Variants in TNFRSF25 observed in about 807,000 individuals in gnomAD.
TNFRSF25 encodes the protein tumor necrosis factor receptor superfamily member 25.
TNFRSF25 carries 28 observed loss-of-function variants against 49.4 expected under a neutral mutation model. The ratio of observed to expected loss-of-function variants is 0.57; its 90% CI spans 0.42 to 0.78. TNFRSF25 has a LOEUF of 0.78. Ranked by LOEUF, TNFRSF25 falls within the 30% of genes least tolerant of loss-of-function variation. The pLI is 0.00. For missense variants in TNFRSF25, 531 were observed against 581.6 expected (o/e 0.91, Z 0.90); for synonymous variants, 240 against 234.2 (o/e 1.02, Z -0.23).
chr1:6,464,426 G>A lies in TNFRSF25; in HGVS notation c.491C>T (p.Thr164Ile). The A allele has an allele frequency of 6.2e-7, 1 of 1,611,954 alleles. No homozygotes were observed. The highest frequency in any genetic ancestry group is 8.5e-7 in the Non-Finnish European group (1 of 1,179,220). ...ATGTTCATAGAAGCCAGGCAGGCAG[G>A]TCCCACAGTCAGTATCTCTGCGGGA... is the stretch of plus-strand genomic sequence containing the variant. The part of the protein sequence containing the change: ...LCSRRDTDCG[T>I]CLPGFYEHGD... The change falls in exon 5 of 10, where the codon ACC (threonine) becomes ATC (isoleucine). Residue 164 changes from threonine to isoleucine, a missense_variant. By Grantham distance (89) the Thr-to-Ile change is moderately conservative (BLOSUM62 -1). Coordinates refer to ENST00000356876, the MANE Select transcript of TNFRSF25 (RefSeq NM_003790.3).
rs748663208 is a variant in TNFRSF25, at chr1:6,461,235, C to G, written c.*199G>C. 2.7e-6 allele frequency: 2 copies of G among 746,648 alleles called. No homozygotes were observed. Among genetic ancestry groups the G allele is most frequent in the Admixed American group, 2.0e-5 (1 of 49,932 alleles). The allele number at this position is 746,648 out of a possible 1,614,324, so 46.3% of individuals were successfully genotyped here. ...GCCGAGAAGTTGAGAAATGTCTTCA[C>G]CCCCTCTCGACATTCGTTCGTGCTT... On this transcript the variant is annotated 3_prime_UTR_variant, in exon 10 of 10. Coordinates refer to ENST00000356876, the MANE Select transcript of TNFRSF25 (RefSeq NM_003790.3). This position sits in a 1 kb window ranked among gnomAD's most constrained non-coding sequence, Gnocchi z 6.3.
intron 5 of TNFRSF25, chr1:6,463,508 C>G (rs1183442540): frequency 4.6e-6 from 1 of 215,856 alleles, no homozygotes; most frequent in Non-Finnish European, 9.3e-6. Context: ...GGGTGGATCA[C>G]GAGGTCAGGT....
rs776875296 is a variant in TNFRSF25 at position 6,461,977 on chromosome 1, C to A, written c.925+17G>T. The A allele has an allele frequency of 2.5e-6, 4 of 1,592,152 alleles. No homozygotes were observed. In the Admixed American group the frequency reaches 7.2e-5, roughly 29 times the overall value. On this transcript the variant is annotated intron_variant, in intron 9 of 9. Coordinates refer to ENST00000356876, the MANE Select transcript of TNFRSF25 (RefSeq NM_003790.3). The surrounding 1 kb of genome is among the most constrained non-coding windows in gnomAD (Gnocchi z 6.3). ...AGGAGAATGGGGTCAAGGCCTCAGG[C>A]CACTGATGTCCCTTACCAAGAGCTC...
intron 1 of TNFRSF25, 62 bp from the exon 2 acceptor site, chr1:6,465,622 G>C (rs45587036): frequency 7.9e-5 from 124 of 1,565,898 alleles, no homozygotes; most frequent in Middle Eastern, 3.5e-4. Flanking sequence ...TCCCTGCTGC[G>C]TCTCCTCCAT....
rs1451066592 is a variant in TNFRSF25, at chr1:6,464,599, T to G, written c.416A>C (p.Gln139Pro). The G allele has an allele frequency of 6.2e-7, 1 of 1,614,002 alleles. No individual in the cohort carries two copies. Among genetic ancestry groups the G allele is most frequent in the African/African-American group, 1.3e-5 (1 of 74,944 alleles). The stretch of plus-strand genomic sequence containing the variant: ...CAGGGCCCCGCAGTCTAGGCATGGT[T>G]GGCAGTAGAAGGGTGAACTGCTGAC... ...QCVSSSPFYC[Q>P]PCLDCGALHR... is the part of the protein sequence containing the mutation. The change falls in exon 4 of 10, where the codon CAA (glutamine) becomes CCA (proline). Residue 139 changes from glutamine to proline, a missense_variant. Transcript: ENST00000356876.
rs944742394 is a variant in TNFRSF25, at chr1:6,460,806, C to T, written c.*628G>A. ...AGCCAGACCCACTCGCTGCCGGGAC[C>T]CTTTCACTGCCCCGGTGGAGTGAAT... On this transcript the variant is annotated 3_prime_UTR_variant, in exon 10 of 10. Coordinates refer to ENST00000356876, the MANE Select transcript of TNFRSF25 (RefSeq NM_003790.3). The T allele has an allele frequency of 4.7e-6, 1 of 210,940 alleles. No homozygotes were observed. Among genetic ancestry groups the T allele is most frequent in the Non-Finnish European group, 9.7e-6 (1 of 103,454 alleles). The allele number at this position is 210,940 out of a possible 1,614,324, so 13.1% of individuals were successfully genotyped here. A position where few individuals can be genotyped will look rare whatever the true frequency, so the allele number is the denominator to read the frequency against.
Position 6,462,812 on chromosome 1 carries a change from ACC to A in TNFRSF25, c.706+49_706+50del. On this transcript the variant is annotated intron_variant, in intron 7 of 9. Transcript: ENST00000356876. This position sits in a 1 kb window ranked among gnomAD's most constrained non-coding sequence, Gnocchi z 4.2. ...ATCAGGGTTGAGTAGACTCTGGGCT[ACC>A]CATCCTGACCCCAGGCTTCTGGGTG... The A allele has an allele frequency of 6.4e-7, 1 of 1,570,780 alleles. No individual in the cohort carries two copies. The highest frequency in any genetic ancestry group is 8.6e-7 in the Non-Finnish European group (1 of 1,156,240).
intron 5 of TNFRSF25, 165 bp from the exon 6 acceptor site, chr1:6,463,292 C>T (rs138645523): frequency 3.3e-4 from 216 of 660,418 alleles, no homozygotes; most frequent in African/African-American, 3.0e-3. Flanking sequence ...ACCACAGACA[C>T]TATTCACTGA....
At chr1:6,464,971 G>A in intron 3 of TNFRSF25, 117 bp downstream of exon 3, 1 of 1,465,498 alleles carries the variant, frequency 6.8e-7, no homozygotes, top group Non-Finnish European at 9.2e-7. Context: ...AGGGTGGAGG[G>A]TTCTGGCAAG....
intron 1 of TNFRSF25, 140 bp downstream of exon 1, chr1:6,465,929 G>C (rs1644350990): frequency 6.9e-7 from 1 of 1,450,980 alleles, no homozygotes; most frequent in African/African-American, 1.5e-5. Context: ...CCCTGGAGGA[G>C]CCTTTAACGA....
chr1:6,465,001 C>T, intron 3 of TNFRSF25, 87 bp downstream of exon 3: 3 of 1,544,336 alleles, frequency 1.9e-6, no homozygotes, highest in Non-Finnish European at 2.6e-6. Context: ...AGGACCCTCA[C>T]ACCCCAAGTT....
intron 4 of TNFRSF25, 44 bp from the exon 5 acceptor site, chr1:6,464,497 G>C: frequency 1.2e-6 from 2 of 1,612,638 alleles, no homozygotes; most frequent in Non-Finnish European, 1.7e-6. Context: ...ACAGGAGTGG[G>C]TCAGGCAGGG....
At position 6,462,047 on chromosome 1, in the gene TNFRSF25, G is replaced by A. The variant is rs544181150; in HGVS notation, c.872C>T (p.Ala291Val). 24 of 1,613,492 alleles carry A rather than the reference G, an allele frequency of 1.5e-5. No homozygotes were observed. The highest frequency in any genetic ancestry group is 1.7e-4 in the Middle Eastern group (1 of 6,042). ...WTPGYPETQE[A>V]LCPQVTWSWD... The stretch of plus-strand genomic sequence containing the variant: ...GGACCATGTCACCTGCGGGCAGAGC[G>A]CCTCCTGGGTCTCGGGGTAGCCAGG... Residue 291 changes from alanine (A) to valine (V), a missense_variant, in exon 9 of 10, where the codon GCG becomes GTG. Coordinates refer to ENST00000356876, the MANE Select transcript of TNFRSF25 (RefSeq NM_003790.3). The surrounding 1 kb of genome is among the most constrained non-coding windows in gnomAD (Gnocchi z 4.2).
chr1:6,461,455 G>T lies in TNFRSF25; in HGVS notation c.1233C>A (p.Ser411Arg). The T allele has an allele frequency of 6.5e-7, 1 of 1,535,302 alleles. No homozygotes were observed. Among genetic ancestry groups the T allele is most frequent in the Non-Finnish European group, 8.8e-7 (1 of 1,142,696 alleles). Reference sequence around the variant, plus strand: ...CGTGTCACGGGCCGCGCTGCAGGCGGCTGCGCAAGTCTTCCACGCAGCCGT... The same window carrying T: ...CGTGTCACGGGCCGCGCTGCAGGCGTCTGCGCAAGTCTTCCACGCAGCCGT... The part of the protein sequence containing the change: ...GLDGCVEDLR[S>R]RLQRGP Residue 411 changes from serine (S) to arginine (R), a missense_variant, in exon 10 of 10, where the codon AGC becomes AGA. Ser to Arg is a moderately radical substitution (Grantham distance 110). Transcript: ENST00000356876. The surrounding 1 kb of genome is among the most constrained non-coding windows in gnomAD (Gnocchi z 6.3).
Position 6,462,063 on chromosome 1 carries a change from G to T in TNFRSF25, c.856C>A (p.Pro286Thr). Residue 286 changes from proline to threonine, a missense_variant, in exon 9 of 10, where the codon CCC becomes ACC. Physicochemically the swap from Pro to Thr is conservative, Grantham distance 38. Transcript: ENST00000356876. The surrounding 1 kb of genome is among the most constrained non-coding windows in gnomAD (Gnocchi z 4.2). ...LVGNSWTPGY[P>T]ETQEALCPQV... ...GGGCAGAGCGCCTCCTGGGTCTCGG[G>T]GTAGCCAGGGGTCCAGCTGTTACCC... The T allele has an allele frequency of 3.1e-6, 5 of 1,613,700 alleles. No individual in the cohort carries two copies. The African/African-American group carries it at 5.3e-5, about 17-fold the overall frequency.
At position 6,463,304 on chromosome 1, in the gene TNFRSF25, C is replaced by T. The variant is rs1405213914; in HGVS notation, c.543-177G>A. 8 of 642,726 alleles carry T rather than the reference C, an allele frequency of 1.2e-5. 1 individual carries two copies. The South Asian group carries it at 1.6e-4, about 12-fold the overall frequency. 39.8% of individuals were successfully genotyped at this position (642,726 alleles called of 1,614,324 possible). A position where few individuals can be genotyped will look rare whatever the true frequency, so the allele number is the denominator to read the frequency against. ...ACAACCACAGACACTATTCACTGAG[C>T]TTCTTCTAGACTACATGAAGAGTCA... is the stretch of plus-strand genomic sequence containing the variant. On this transcript the variant is annotated intron_variant, in intron 5 of 9. Coordinates refer to ENST00000356876, the MANE Select transcript of TNFRSF25 (RefSeq NM_003790.3).
Position 6,463,086 on chromosome 1 carries a change from C to G in TNFRSF25, c.584G>C (p.Cys195Ser), listed in dbSNP as rs769191320. Residue 195 changes from cysteine (C) to serine (S), a missense_variant, in exon 6 of 10, where the codon TGT becomes TCT. Physicochemically the swap from Cys to Ser is moderately radical, Grantham distance 112. Transcript: ENST00000356876. ...GSCPERCAAV[C>S]GWRQMFWVQV... Reference sequence around the variant, plus strand: ...ACACCACCTACTCTGCCTCCAGCCACAGACAGCGGCACAGCGCTCTGGACA... The same window carrying G: ...ACACCACCTACTCTGCCTCCAGCCAGAGACAGCGGCACAGCGCTCTGGACA... The G allele has an allele frequency of 6.4e-7, 1 of 1,551,792 alleles. No individual in the cohort carries two copies. Among genetic ancestry groups the G allele is most frequent in the Non-Finnish European group, 8.7e-7 (1 of 1,147,110 alleles).
rs1569814742 is a variant in TNFRSF25 at position 6,466,150 on chromosome 1, T to C, written c.-43A>G. The C allele has an allele frequency of 8.3e-7, 1 of 1,198,756 alleles. No homozygotes were observed. Among genetic ancestry groups the C allele is most frequent in the Non-Finnish European group, 1.0e-6 (1 of 952,664 alleles). 74.3% of individuals were successfully genotyped at this position (1,198,756 alleles called of 1,614,324 possible). A position where few individuals can be genotyped will look rare whatever the true frequency, so the allele number is the denominator to read the frequency against. On this transcript the variant is annotated 5_prime_UTR_variant, in exon 1 of 10. Coordinates refer to ENST00000356876, the MANE Select transcript of TNFRSF25 (RefSeq NM_003790.3). ...CCAGGGGCTTCCCGGCTCCGTGCTCTCTGCCCGTCGTGGTTCCGCCTTCAG... is the reference window on the plus strand; with the variant it reads ...CCAGGGGCTTCCCGGCTCCGTGCTCCCTGCCCGTCGTGGTTCCGCCTTCAG...
In TNFRSF25 at chr1:6,465,528, G is replaced by A; in HGVS notation, c.72C>T (p.Ala24=). 5 of 1,613,542 alleles carry A rather than the reference G, an allele frequency of 3.1e-6. No homozygotes were observed. The highest frequency in any genetic ancestry group is 4.2e-6 in the Non-Finnish European group (5 of 1,179,922). The change falls in exon 2 of 10, where the codon GCC becomes GCT. Residue 24 remains alanine, a synonymous_variant. Transcript: ENST00000356876. ...ACCTGGGGCTACGAGTGCCGCCCTG[G>A]GCCCGGGCCCCCAGCAGCACCAGGA... The part of the protein sequence containing the change: ...ALLLVLLGAR[A]QGGTRSPRCD...
Sources: gnomAD v4.1 joint callset for allele counts on GRCh38, gnomAD v4.1.1 for gene constraint, Gnocchi (gnomAD v3.1) non-coding constraint, MANE v1.5 for transcripts, NCBI Gene and HGNC (gene_info 2026-07-23, HGNC 2026-07-21) for gene names.